P3H2: variants seen among roughly 807,000 people sequenced by gnomAD.
P3H2 encodes leprecan-like 1.
P3H2 carries 80 observed loss-of-function variants against 87.0 expected under a neutral mutation model. The observed-to-expected ratio is 0.92, with a 90% confidence interval of 0.77 to 1.11. The LOEUF (loss-of-function observed/expected upper bound fraction) is 1.11. P3H2 is among the 50% of genes least tolerant of loss of function. The pLI is 0.00. For missense variants in P3H2, 1,001 were observed against 923.9 expected, an observed-to-expected ratio of 1.08 and a Z score of -1.08; for synonymous variants, 367 against 359.3, an observed-to-expected ratio of 1.02 and a Z score of -0.24.
chr3:189,983,213 C>A, intron 7 of P3H2, 73 bp from the exon 8 acceptor site: 1 of 1,130,606 alleles, frequency 8.8e-7, no homozygotes, highest in Non-Finnish European at 1.3e-6. Flanking sequence ...AATACTTTAC[C>A]AAGGTAGTCT....
At chr3:190,016,950 A>G (rs960966606) in intron 1 of P3H2, among the ~76,000 whole-genome samples, 6 of 152,228 alleles carry the variant, frequency 3.9e-5, no homozygotes, top group Admixed American at 1.3e-4. Flanking sequence ...GCCATTCCAG[A>G]TAGATCTAAG....
At chr3:190,045,847 C>T (rs1725781772) in intron 1 of P3H2, among the ~76,000 whole-genome samples, 2 of 152,006 alleles carry the variant, frequency 1.3e-5, no homozygotes, top group South Asian at 2.1e-4. Context: ...CTAGGCCGGG[C>T]ACGGTGGCTC....
At chr3:190,102,167 C>T (rs937037043) in intron 1 of P3H2, among the ~76,000 whole-genome samples, 5 of 152,180 alleles carry the variant, frequency 3.3e-5, no homozygotes, top group African/African-American at 4.8e-5. Context: ...AAGAGATTAA[C>T]GTCGTTTTCC....
chr3:189,980,768 G>A (rs1464083938), intron 8 of P3H2, among the ~76,000 whole-genome samples: 3 of 151,940 alleles, frequency 2.0e-5, no homozygotes, highest in Non-Finnish European at 4.4e-5. Flanking sequence ...CAAGGGATAA[G>A]AGTGTCCTTT....
At chr3:190,012,207 G>GGTGTGTGT (rs3062120) in intron 1 of P3H2, among the ~76,000 whole-genome samples, 8,823 of 145,570 alleles carry the variant, frequency 0.061, 300 homozygotes, top group South Asian at 0.088. Flanking sequence ...TGTAGGTAAA[G>GGTGTGTGT]GTGTGTGTGT....
At chr3:190,082,256 AAAAAC>A (rs1200230208) in intron 1 of P3H2, among the ~76,000 whole-genome samples, 1 of 152,180 alleles carries the variant, frequency 6.6e-6, no homozygotes, top group African/African-American at 2.4e-5. Context: ...ATTCTGCCTC[AAAAAC>A]AAAACAAAAC....
At chr3:190,027,913 T>C (rs1165037216) in intron 1 of P3H2, among the ~76,000 whole-genome samples, 1 of 150,652 alleles carries the variant, frequency 6.6e-6, no homozygotes, top group Admixed American at 6.6e-5. Context: ...AAGTGGAGAC[T>C]GCAGTGAGTG....
intron 13 of P3H2, 104 bp from the exon 14 acceptor site, chr3:189,964,202 G>A (rs540598561): frequency 6.7e-6 from 7 of 1,040,398 alleles, no homozygotes; most frequent in African/African-American, 1.6e-5. Flanking sequence ...GGCCTGAGGC[G>A]AAGAATAAAG....
chr3:190,078,731 T>C (rs1287245297), intron 1 of P3H2, among the ~76,000 whole-genome samples: 1 of 152,218 alleles, frequency 6.6e-6, no homozygotes, highest in East Asian at 1.9e-4. Context: ...TTCCCTGAGC[T>C]CTAACTGTAT....
Position 190,018,167 on chromosome 3 carries a change from T to C in P3H2, c.481-22725A>G, listed in dbSNP as rs1455396719. 3.9e-5 allele frequency among the ~76,000 whole-genome samples: 6 copies of C among 152,302 alleles called. No homozygotes were observed. In the Middle Eastern group the frequency reaches 0.01, roughly 259 times the overall value. ...AAGATTGCTTCTATTTTAACATCGATTTTAACTTATTTCACCCATCATTGT... is the reference window on the plus strand; with the variant it reads ...AAGATTGCTTCTATTTTAACATCGACTTTAACTTATTTCACCCATCATTGT... On this transcript the variant is annotated intron_variant, in intron 1 of 14. Coordinates refer to ENST00000319332, the MANE Select transcript of P3H2 (RefSeq NM_018192.4).
intron 1 of P3H2, among the ~76,000 whole-genome samples, chr3:190,045,849 C>T (rs560917925): frequency 5.3e-4 from 80 of 152,060 alleles, no homozygotes; most frequent in African/African-American, 1.9e-3. Context: ...AGGCCGGGCA[C>T]GGTGGCTCAC....
chr3:190,041,020 CTATA>C (rs71635315), intron 1 of P3H2, among the ~76,000 whole-genome samples: 715 of 52,648 alleles, frequency 0.014, 39 homozygotes, highest in African/African-American at 0.023. Context: ...CATGGCTCTA[CTATA>C]TATATATATA....
intron 1 of P3H2, among the ~76,000 whole-genome samples, chr3:190,077,724 G>T (rs963916615): frequency 4.6e-5 from 7 of 152,140 alleles, no homozygotes; most frequent in Non-Finnish European, 8.8e-5. Context: ...GATTAATACA[G>T]TTATTACATT....
intron 1 of P3H2, among the ~76,000 whole-genome samples, chr3:190,041,274 TA>T (rs67754532): frequency 0.04 from 4,648 of 117,538 alleles, 144 homozygotes; most frequent in African/African-American, 0.076. Context: ...TAACCTGTCT[TA>T]AAAAAAAAAA....
At chr3:190,060,069 T>A (rs747993077) in intron 1 of P3H2, among the ~76,000 whole-genome samples, 5 of 152,196 alleles carry the variant, frequency 3.3e-5, no homozygotes, top group Admixed American at 6.5e-5. Context: ...AACATTTTGA[T>A]GAAAACATTT....
At chr3:190,053,913 A>G (rs1726067558) in intron 1 of P3H2, among the ~76,000 whole-genome samples, 1 of 152,168 alleles carries the variant, frequency 6.6e-6, no homozygotes, top group African/African-American at 2.4e-5. Flanking sequence ...ACAAATTTCA[A>G]AACTGTAGCT....
upstream of P3H2, among the ~76,000 whole-genome samples, chr3:190,121,965 G>T (rs1294878604): frequency 6.6e-6 from 1 of 151,746 alleles, no homozygotes; most frequent in African/African-American, 2.4e-5. Context: ...GGTGGCACGT[G>T]CCTGCAGACC....
chr3:189,959,467 C>T (rs1194801591), intron 14 of P3H2, among the ~76,000 whole-genome samples: 1 of 138,576 alleles, frequency 7.2e-6, no homozygotes, highest in Admixed American at 7.9e-5. Flanking sequence ...CATGTGTTCT[C>T]ATTGTTCAAT....
At chr3:190,075,928 CT>C (rs1386851551) in intron 1 of P3H2, among the ~76,000 whole-genome samples, 1 of 152,100 alleles carries the variant, frequency 6.6e-6, no homozygotes. Context: ...ACAACTAACA[CT>C]TTTTTCTGCA....
Sources: allele counts gnomAD v4.1 joint callset (sites outside exome capture counted in the v4.1 genomes callset), GRCh38; gene constraint gnomAD v4.1.1; transcripts MANE v1.5; gene names NCBI Gene and HGNC (gene_info 2026-07-23, HGNC 2026-07-21).